The following ATAT1 variants were observed in gnomAD, a reference collection of about 807,000 sequenced individuals.
The protein encoded by ATAT1 is alpha-tubulin N-acetyltransferase 1.
In ATAT1, 42 loss-of-function variants were observed where a neutral mutation model predicts 57.2. The ratio of observed to expected loss-of-function variants is 0.73; its 90% CI spans 0.57 to 0.95. The LOEUF (loss-of-function observed/expected upper bound fraction) is 0.95. ATAT1 is among the 40% of genes least tolerant of loss of function. The pLI, the probability that ATAT1 is intolerant of heterozygous loss-of-function variation, is 0.00. For synonymous variants in ATAT1, 168 were observed against 187.1 expected, an observed-to-expected ratio of 0.90 and a Z score of 0.83; for missense variants, 454 against 523.7, an observed-to-expected ratio of 0.87 and a Z score of 1.30.
chr6:30,637,698 C>T (rs1236383941), intron 6 of ATAT1, among the ~76,000 whole-genome samples: 1 of 150,248 alleles, frequency 6.7e-6, no homozygotes, highest in Admixed American at 6.6e-5. Context: ...AAAAAAAAGG[C>T]CGGACGCATT....
chr6:30,642,833 G>GGGGGGGCCCCCCCCCCCCCCCCCCC lies in ATAT1; in HGVS notation c.754_755insGGGGGGCCCCCCCCCCCCCCCCCCC (p.Ala252GlyfsTer56). ...GGCCCCTCGCCGCGCCACACCTCCA[G>GGGGGGGCCCCCCCCCCCCCCCCCCC]CCCACCCACCCCCCCGCTCCAGCAG... is the stretch of plus-strand genomic sequence containing the variant. On this transcript the variant is annotated frameshift_variant, in exon 10 of 13. Transcript: ENST00000330083. LOFTEE classifies it high-confidence loss of function. The GGGGGGGCCCCCCCCCCCCCCCCCCC allele has an allele frequency of 1.2e-5, 18 of 1,537,732 alleles. No homozygotes were observed. The highest frequency in any genetic ancestry group is 1.6e-5 in the African/African-American group (1 of 61,244).
At chr6:30,644,240 C>A in intron 10 of ATAT1, 1 of 985,866 alleles carries the variant, frequency 1.0e-6, no homozygotes. Context: ...CCATTTCCCC[C>A]AGATCCAGAT....
Position 30,627,050 on chromosome 6 carries a change from C to G in ATAT1, c.-154C>G. ...CTCCCGGTTCCTCTCCAAACCTGGT[C>G]CAGGCACCACGCCCCCTTCTCACTG... On this transcript the variant is annotated 5_prime_UTR_variant, in exon 1 of 13. Coordinates refer to ENST00000330083, the MANE Select transcript of ATAT1 (RefSeq NM_001031722.4). The G allele has an allele frequency of 6.5e-7, 1 of 1,548,744 alleles. No individual in the cohort carries two copies. The highest frequency in any genetic ancestry group is 1.2e-5 in the South Asian group (1 of 84,730).
chr6:30,632,163 A>T (rs557523412), intron 6 of ATAT1, among the ~76,000 whole-genome samples: 8 of 149,318 alleles, frequency 5.4e-5, no homozygotes, highest in African/African-American at 2.0e-4. Context: ...GCTGTTTGGG[A>T]GTCTGAGGCA....
rs1016810198 is a variant in ATAT1, at chr6:30,627,052, A to G, written c.-152A>G. ...CCCGGTTCCTCTCCAAACCTGGTCC[A>G]GGCACCACGCCCCCTTCTCACTGAC... On this transcript the variant is annotated 5_prime_UTR_variant, in exon 1 of 13. Transcript: ENST00000330083. The G allele has an allele frequency of 6.5e-7, 1 of 1,549,054 alleles. No individual in the cohort carries two copies. The highest frequency in any genetic ancestry group is 8.7e-7 in the Non-Finnish European group (1 of 1,143,132).
At chr6:30,637,440 G>A (rs548613081) in intron 6 of ATAT1, among the ~76,000 whole-genome samples, 5 of 151,178 alleles carry the variant, frequency 3.3e-5, no homozygotes, top group East Asian at 3.9e-4. Context: ...GCACGATCAC[G>A]GCTCACTGCA....
chr6:30,634,492 A>G (rs1582796537), intron 6 of ATAT1, among the ~76,000 whole-genome samples: 1 of 150,654 alleles, frequency 6.6e-6, no homozygotes, highest in African/African-American at 2.4e-5. Flanking sequence ...CTTGTGATCC[A>G]CCTACCTCGG....
In ATAT1 at chr6:30,646,595, C is replaced by A; in HGVS notation, c.1182C>A (p.Ala394=). 6.3e-7 allele frequency: 1 copy of A among 1,576,788 alleles called. No individual in the cohort carries two copies. ...CAGTGGGTGGGGACATACTCAACGC[C>A]AGGTTCATTCGAAACCTGCAGGAAC... Residue 394 remains alanine, a synonymous_variant, in exon 13 of 13, where the codon GCC becomes GCA. Coordinates refer to ENST00000330083, the MANE Select transcript of ATAT1 (RefSeq NM_001031722.4).
intron 6 of ATAT1, among the ~76,000 whole-genome samples, chr6:30,632,608 A>AT (rs1447346365): frequency 2.6e-5 from 4 of 151,778 alleles, no homozygotes; most frequent in Admixed American, 6.6e-5. Context: ...TGTGATCTTG[A>AT]TTTTTTCCTT....
At position 30,627,747 on chromosome 6, in the gene ATAT1, C is replaced by G; in HGVS notation, c.224+20C>G. Reference sequence around the variant, plus strand: ...CCGACCGTGAGTGCCACATGCTCTTCCATCCCATACTTAATTCCTTCCTTC... The same window carrying G: ...CCGACCGTGAGTGCCACATGCTCTTGCATCCCATACTTAATTCCTTCCTTC... On this transcript the variant is annotated intron_variant, in intron 3 of 12. Transcript: ENST00000330083. 1 of 1,608,494 alleles carries G rather than the reference C, an allele frequency of 6.2e-7. No individual in the cohort carries two copies.
In ATAT1 at chr6:30,646,706, C is replaced by A; in HGVS notation, c.*63C>A. 6.9e-7 allele frequency: 1 copy of A among 1,456,542 alleles called. No homozygotes were observed. Among genetic ancestry groups the A allele is most frequent in the Non-Finnish European group, 9.1e-7 (1 of 1,096,562 alleles). 90.2% of individuals were successfully genotyped at this position (1,456,542 alleles called of 1,614,324 possible). A position where few individuals can be genotyped will look rare whatever the true frequency, so the allele number is the denominator to read the frequency against. Reference sequence around the variant, plus strand: ...CCCTCACTACAGGAAAGAGCCAAAGCCCAACCCTCATAATAGATGGATACA... The same window carrying A: ...CCCTCACTACAGGAAAGAGCCAAAGACCAACCCTCATAATAGATGGATACA... On this transcript the variant is annotated 3_prime_UTR_variant, in exon 13 of 13. Coordinates refer to ENST00000330083, the MANE Select transcript of ATAT1 (RefSeq NM_001031722.4).
chr6:30,637,802 C>T (rs1764470077), intron 6 of ATAT1, among the ~76,000 whole-genome samples: 1 of 152,026 alleles, frequency 6.6e-6, no homozygotes, highest in Non-Finnish European at 1.5e-5. Context: ...ATGGTGAAAC[C>T]CTGTCTCTAC....
In ATAT1 at chr6:30,626,943, C is replaced by T; in HGVS notation, c.-261C>T. On this transcript the variant is annotated 5_prime_UTR_variant, in exon 1 of 13. Transcript: ENST00000330083. Reference sequence around the variant, plus strand: ...CCCGGAGCGGATCACGGTGCTGGACCAGCACCTGAGGCCCCCAGCCCGCCG... The same window carrying T: ...CCCGGAGCGGATCACGGTGCTGGACTAGCACCTGAGGCCCCCAGCCCGCCG... The T allele has an allele frequency of 6.2e-7, 1 of 1,609,050 alleles. No individual in the cohort carries two copies. Among genetic ancestry groups the T allele is most frequent in the Non-Finnish European group, 8.5e-7 (1 of 1,178,440 alleles).
At chr6:30,636,025 T>C (rs1455980553) in intron 6 of ATAT1, among the ~76,000 whole-genome samples, 1 of 152,150 alleles carries the variant, frequency 6.6e-6, no homozygotes, top group Admixed American at 6.6e-5. Context: ...AGTGATGTCA[T>C]TGAATGGGCG....
chr6:30,646,664 T>C lies in ATAT1; in HGVS notation c.*21T>C. The C allele has an allele frequency of 6.5e-7, 1 of 1,527,484 alleles. No homozygotes were observed. Among genetic ancestry groups the C allele is most frequent in the Non-Finnish European group, 8.8e-7 (1 of 1,132,576 alleles). 94.6% of individuals were successfully genotyped at this position (1,527,484 alleles called of 1,614,324 possible). A position where few individuals can be genotyped will look rare whatever the true frequency, so the allele number is the denominator to read the frequency against. ...GGTGACCGCAGCCCCGTCAAACATC[T>C]TCAAAGTATTATTTCTCCCTCACTA... is the stretch of plus-strand genomic sequence containing the variant. On this transcript the variant is annotated 3_prime_UTR_variant, in exon 13 of 13. Transcript: ENST00000330083.
chr6:30,644,236 C>G, intron 10 of ATAT1: 1 of 985,860 alleles, frequency 1.0e-6, no homozygotes, highest in South Asian at 4.7e-5. Context: ...ACCACCATTT[C>G]CCCCAGATCC....
At chr6:30,636,965 C>T (rs957852268) in intron 6 of ATAT1, among the ~76,000 whole-genome samples, 1 of 152,144 alleles carries the variant, frequency 6.6e-6, no homozygotes, top group Admixed American at 6.5e-5. Context: ...GCGCCCACCA[C>T]CACACCTGGC....
At position 30,627,528 on chromosome 6, in the gene ATAT1, A is replaced by G; in HGVS notation, c.132+8A>G. The stretch of plus-strand genomic sequence containing the variant: ...GGCAAGGCTTCTGCCAAGGTACTGG[A>G]GAGTTTTTAGATGGAGTAAAGGGAG... On this transcript the variant is annotated splice_region_variant and intron_variant, in intron 2 of 12. Transcript: ENST00000330083. The G allele has an allele frequency of 6.2e-7, 1 of 1,612,216 alleles. No individual in the cohort carries two copies. The highest frequency in any genetic ancestry group is 2.2e-5 in the East Asian group (1 of 44,876).
chr6:30,632,209 T>G (rs1430872380), intron 6 of ATAT1, among the ~76,000 whole-genome samples: 8 of 146,572 alleles, frequency 5.5e-5, no homozygotes, highest in African/African-American at 2.0e-4. Flanking sequence ...GAGGTTGCAG[T>G]GAGCCGCTGA....
Sources: allele counts gnomAD v4.1 joint callset (sites outside exome capture counted in the v4.1 genomes callset), GRCh38; gene constraint gnomAD v4.1.1; transcripts MANE v1.5; gene names NCBI Gene and HGNC (gene_info 2026-07-23, HGNC 2026-07-21).